EPN2: variants seen among roughly 807,000 people sequenced by gnomAD.
The protein encoded by EPN2 is epsin-2.
In EPN2, 34 loss-of-function variants were observed where a neutral mutation model predicts 61.7. That is an observed-to-expected ratio of 0.55 (90% CI 0.42 to 0.73). The LOEUF (loss-of-function observed/expected upper bound fraction) is 0.73, where lower values mean the gene tolerates loss of function less well. EPN2 is among the 30% of genes least tolerant of loss of function. The pLI is 0.00. For synonymous variants in EPN2, 349 were observed against 353.6 expected, an observed-to-expected ratio of 0.99 and a Z score of 0.15; for missense variants, 714 against 839.2, an observed-to-expected ratio of 0.85 and a Z score of 1.84.
intron 7 of EPN2, chr17:19,313,645 A>C (rs1906251338): frequency 4.3e-6 from 1 of 233,116 alleles, no homozygotes; most frequent in African/African-American, 2.2e-5. Context: ...GGAACATCCA[A>C]ATCAAGCTGC....
intron 4 of EPN2, among the ~76,000 whole-genome samples, chr17:19,293,205 C>T (rs1481941820): frequency 6.6e-6 from 1 of 151,808 alleles, no homozygotes; most frequent in Non-Finnish European, 1.5e-5. Context: ...ATGGTGAAAC[C>T]CATCTCTACT....
intron 7 of EPN2, 93 bp from the exon 8 acceptor site, chr17:19,328,618 C>T (rs775226602): frequency 9.8e-6 from 12 of 1,223,060 alleles, no homozygotes; most frequent in Middle Eastern, 4.0e-4. Flanking sequence ...GGGCATAGAC[C>T]CTGGTGTGGC....
intron 4 of EPN2, chr17:19,308,656 A>G (rs1002029499): frequency 2.7e-5 from 27 of 985,446 alleles, no homozygotes; most frequent in Middle Eastern, 5.2e-4. Flanking sequence ...CGGGAGGAGG[A>G]CAGGGCAAGG....
chr17:19,297,960 C>T (rs554973111), intron 4 of EPN2, among the ~76,000 whole-genome samples: 20 of 152,058 alleles, frequency 1.3e-4, no homozygotes, highest in Non-Finnish European at 2.6e-4. Flanking sequence ...CACTGCAGCC[C>T]TGCCTCCTGG....
At chr17:19,242,226 C>G (rs1452710740) in intron 1 of EPN2, among the ~76,000 whole-genome samples, 1 of 151,782 alleles carries the variant, frequency 6.6e-6, no homozygotes, top group Non-Finnish European at 1.5e-5. Context: ...CACTTGAGGC[C>G]TAGAGTTTTT....
chr17:19,304,098 G>A (rs1042002106), intron 4 of EPN2, among the ~76,000 whole-genome samples: 29 of 79,564 alleles, frequency 3.6e-4, no homozygotes, highest in Admixed American at 2.6e-4. Context: ...GTGAGACTCC[G>A]TCTCAAAAAA....
intron 7 of EPN2, among the ~76,000 whole-genome samples, chr17:19,320,308 A>G (rs1353554708): frequency 6.6e-6 from 1 of 152,168 alleles, no homozygotes; most frequent in Non-Finnish European, 1.5e-5. Context: ...GGGAGGGGCC[A>G]TCCTGGGGCC....
At chr17:19,239,242 G>A (rs2044855706) in intron 1 of EPN2, among the ~76,000 whole-genome samples, 1 of 152,226 alleles carries the variant, frequency 6.6e-6, no homozygotes, top group African/African-American at 2.4e-5. Flanking sequence ...CCGCCTCCTG[G>A]GTTCAAGCGA....
At chr17:19,296,620 ATTTG>A (rs2045522886) in intron 4 of EPN2, 2 of 151,968 alleles carry the variant, frequency 1.3e-5, no homozygotes, top group Non-Finnish European at 1.5e-5. Flanking sequence ...ATTTTTATTT[ATTTG>A]TTTTGAGACA....
chr17:19,323,503 A>G (rs1007984999), intron 7 of EPN2, among the ~76,000 whole-genome samples: 2 of 152,238 alleles, frequency 1.3e-5, no homozygotes, highest in Admixed American at 1.3e-4. Flanking sequence ...ACCTGGACAT[A>G]TCATCAGGAA....
At chr17:19,332,541 G>A (rs1052826373) in intron 10 of EPN2, among the ~76,000 whole-genome samples, 1 of 152,144 alleles carries the variant, frequency 6.6e-6, no homozygotes, top group Non-Finnish European at 1.5e-5. Context: ...AGGGCTCAAT[G>A]TTGGCTGCCG....
chr17:19,261,454 T>C (rs973759689), intron 1 of EPN2, among the ~76,000 whole-genome samples: 1 of 152,256 alleles, frequency 6.6e-6, no homozygotes, highest in Non-Finnish European at 1.5e-5. Flanking sequence ...AGGTGTTTTT[T>C]ATATTTTTGG....
rs78133809 is a variant in EPN2, at chr17:19,272,419, T to C, written c.-293-9536T>C. Among the ~76,000 whole-genome samples, 987 of 152,242 alleles carry C rather than the reference T, an allele frequency of 6.5e-3. 52 individuals carry two copies. In the East Asian group the frequency reaches 0.12, roughly 18 times the overall value. ...AATTCTACTCCCTCAGTTGGTGACC[T>C]GTGGCTGGGCTGATCAGAAGCTTGG... On this transcript the variant is annotated intron_variant, in intron 1 of 10. Coordinates refer to ENST00000314728, the MANE Select transcript of EPN2 (RefSeq NM_014964.5).
intron 4 of EPN2, among the ~76,000 whole-genome samples, chr17:19,299,861 G>A (rs139719784): frequency 1.8e-3 from 271 of 152,296 alleles, no homozygotes; most frequent in Middle Eastern, 6.8e-3. Flanking sequence ...CTGAGGCAGC[G>A]GTACCAGTGT....
In EPN2 at chr17:19,331,991, C is replaced by T. The variant is rs372627422; in HGVS notation, c.1550C>T (p.Ala517Val). The change falls in exon 10 of 11, where the codon GCG (alanine) becomes GTG (valine). Residue 517 changes from alanine to valine, a missense_variant. This residue lies in a region of EPN2 where 410 missense variants were observed against 421.8 expected (regional missense o/e 0.97). Coordinates refer to ENST00000314728, the MANE Select transcript of EPN2 (RefSeq NM_014964.5). ...CCTGAGTCCTTCCTGGGCCCCAACGCGGCCCTGGTGAACCTGGACTCACTG... is the reference window on the plus strand; with the variant it reads ...CCTGAGTCCTTCCTGGGCCCCAACGTGGCCCTGGTGAACCTGGACTCACTG... Reference protein sequence around the residue: ...KTPESFLGPNAALVNLDSLVT... With the variant: ...KTPESFLGPNVALVNLDSLVT... The T allele has an allele frequency of 1.7e-5, 27 of 1,613,932 alleles. No homozygotes were observed. Among genetic ancestry groups the T allele is most frequent in the African/African-American group, 6.7e-5 (5 of 74,914 alleles).
At chr17:19,248,868 C>T (rs1023585430) in intron 1 of EPN2, among the ~76,000 whole-genome samples, 1 of 152,114 alleles carries the variant, frequency 6.6e-6, no homozygotes, top group African/African-American at 2.4e-5. Context: ...TAGAATGGAA[C>T]CTGGGAACCA....
chr17:19,292,616 A>G (rs116011282), intron 4 of EPN2, among the ~76,000 whole-genome samples: 24 of 152,354 alleles, frequency 1.6e-4, no homozygotes, highest in African/African-American at 5.8e-4. Context: ...AGATTTATTG[A>G]CACATCTATC....
At chr17:19,295,963 A>G (rs1341159984) in intron 4 of EPN2, among the ~76,000 whole-genome samples, 2 of 152,096 alleles carry the variant, frequency 1.3e-5, no homozygotes, top group Non-Finnish European at 2.9e-5. Flanking sequence ...GCAGCTAGGC[A>G]ACACTCCAAC....
chr17:19,313,467 C>T (rs1906243641), intron 7 of EPN2, 188 bp downstream of exon 7: 1 of 462,942 alleles, frequency 2.2e-6, no homozygotes, highest in Non-Finnish European at 3.7e-6. Flanking sequence ...CATGGTGTTC[C>T]CTCTTTGTTT....
Sources: allele counts gnomAD v4.1 joint callset (sites outside exome capture counted in the v4.1 genomes callset), GRCh38; gene constraint gnomAD v4.1.1; regional missense constraint gnomAD v4.1.1; transcripts MANE v1.5; gene names NCBI Gene and HGNC (gene_info 2026-07-23, HGNC 2026-07-21).